The following GLIS3 variants were observed in gnomAD, a reference collection of about 807,000 sequenced individuals.
GLIS3 encodes the protein GLIS family zinc finger 3.
Under a neutral mutation model 78.6 loss-of-function variants are expected in GLIS3, and 53 were observed. That is an observed-to-expected ratio of 0.67 (90% confidence interval 0.54 to 0.85). The LOEUF is 0.85. Among genes scored for constraint, GLIS3 ranks in the 40% least tolerant of loss-of-function variants. GLIS3 has a pLI of 0.00. For missense variants in GLIS3, 1,703 were observed against 1,231.1 expected (o/e 1.38, Z -5.74); for synonymous variants, 684 against 509.9 (o/e 1.34, Z -4.60).
At chr9:4,293,973 C>T (rs777748006) in intron 1 of GLIS3, among the ~76,000 whole-genome samples, 7 of 152,178 alleles carry the variant, frequency 4.6e-5, no homozygotes, top group Non-Finnish European at 7.3e-5. Context: ...CCTTTTCTTC[C>T]CAAAGTGGAA....
chr9:3,959,924 G>C (rs1212721769), intron 4 of GLIS3, among the ~76,000 whole-genome samples: 1 of 152,218 alleles, frequency 6.6e-6, no homozygotes, highest in Non-Finnish European at 1.5e-5. Flanking sequence ...GGCCGAGGCA[G>C]GCGGACCACC....
At chr9:4,455,146 T>G in the GLIS3 span, among the ~76,000 whole-genome samples, 1 of 152,214 alleles carries the variant, frequency 6.6e-6, no homozygotes, top group Non-Finnish European at 1.5e-5. Context: ...ATGAAGAGCC[T>G]TAAGCCTGCC....
At chr9:4,200,662 A>G (rs576996845) in intron 2 of GLIS3, among the ~76,000 whole-genome samples, 1 of 152,066 alleles carries the variant, frequency 6.6e-6, no homozygotes, top group Non-Finnish European at 1.5e-5. Context: ...GAATCAGAAA[A>G]AAACAAACAA....
At chr9:4,033,143 A>T (rs618268) in intron 4 of GLIS3, among the ~76,000 whole-genome samples, 1 of 151,906 alleles carries the variant, frequency 6.6e-6, no homozygotes, top group African/African-American at 2.4e-5. Context: ...GTGAGCCACC[A>T]CACCTGGCTG....
At chr9:4,242,202 G>A (rs10758583) in intron 2 of GLIS3, among the ~76,000 whole-genome samples, 2 of 151,764 alleles carry the variant, frequency 1.3e-5, no homozygotes, top group Admixed American at 1.3e-4. Flanking sequence ...TCCCACCTTG[G>A]TCAGTTTTGG....
chr9:4,187,811 G>A (rs1002488514), intron 2 of GLIS3, among the ~76,000 whole-genome samples: 2 of 152,028 alleles, frequency 1.3e-5, no homozygotes, highest in African/African-American at 4.8e-5. Context: ...TGTTATTGGT[G>A]TATAAGAATG....
chr9:3,986,862 T>C (rs955386263), intron 4 of GLIS3, among the ~76,000 whole-genome samples: 1 of 152,164 alleles, frequency 6.6e-6, no homozygotes, highest in African/African-American at 2.4e-5. Flanking sequence ...AAAGTAAAAG[T>C]TTGGAATGCA....
chr9:4,255,283 T>G (rs953360544), intron 2 of GLIS3, among the ~76,000 whole-genome samples: 3 of 152,228 alleles, frequency 2.0e-5, no homozygotes, highest in African/African-American at 7.2e-5. Context: ...ATGGTACAGC[T>G]ACTTTGGAAG....
chr9:3,905,760 C>A (rs1823654560), intron 6 of GLIS3, among the ~76,000 whole-genome samples: 1 of 152,168 alleles, frequency 6.6e-6, no homozygotes, highest in African/African-American at 2.4e-5. Context: ...GTATCCCTTG[C>A]TAAGACAGGA....
At chr9:4,326,189 G>A (rs1243725968) in intron 2 of GLIS3, among the ~76,000 whole-genome samples, 1 of 152,134 alleles carries the variant, frequency 6.6e-6, no homozygotes, top group African/African-American at 2.4e-5. Context: ...CATCCTGCAC[G>A]TGTACCCGGG....
the GLIS3 span, among the ~76,000 whole-genome samples, chr9:4,454,538 CATT>C: frequency 1.8e-4 from 28 of 152,318 alleles, no homozygotes; most frequent in Admixed American, 3.3e-4. Flanking sequence ...TTTCCCAACA[CATT>C]ATGATAGTAT....
At chr9:4,163,555 C>G (rs183279087) in intron 2 of GLIS3, among the ~76,000 whole-genome samples, 84 of 152,162 alleles carry the variant, frequency 5.5e-4, no homozygotes, top group African/African-American at 1.9e-3. Flanking sequence ...GGCAGTAAGA[C>G]CACATTTCAC....
intron 2 of GLIS3, among the ~76,000 whole-genome samples, chr9:4,189,529 G>A (rs1818131062): frequency 6.6e-6 from 1 of 152,182 alleles, no homozygotes; most frequent in African/African-American, 2.4e-5. Flanking sequence ...GCAGAGCTGA[G>A]TTCAATTCCT....
Position 3,828,278 on chromosome 9 carries a change from T to A in GLIS3, c.2787A>T (p.Glu929Asp). The A allele has an allele frequency of 6.2e-7, 1 of 1,614,076 alleles. No homozygotes were observed. Residue 929 changes from glutamate to aspartate, a missense_variant, in exon 11 of 11, where the codon GAA becomes GAT. Coordinates refer to ENST00000381971, the MANE Select transcript of GLIS3 (RefSeq NM_001042413.2). The stretch of plus-strand genomic sequence containing the variant: ...GGAGTGGCCAAGAGAGCTTTTAGCC[T>A]TCGGTGTAGACAGAGGAGAGCTGGC... Reference protein sequence around the residue: ...CPSQLSSVYTEG With the variant: ...CPSQLSSVYTDG
intron 4 of GLIS3, among the ~76,000 whole-genome samples, chr9:4,045,312 G>C (rs1011544651): frequency 6.6e-6 from 1 of 152,020 alleles, no homozygotes; most frequent in Non-Finnish European, 1.5e-5. Flanking sequence ...GGAAGATGAA[G>C]TGTTCTGAAC....
At chr9:4,279,886 C>G (rs1237112516) in intron 2 of GLIS3, among the ~76,000 whole-genome samples, 2 of 149,424 alleles carry the variant, frequency 1.3e-5, no homozygotes, top group South Asian at 2.1e-4. Context: ...AATATATGAT[C>G]TTTGATTAGA....
the GLIS3 span, among the ~76,000 whole-genome samples, chr9:4,371,459 G>A: frequency 1.3e-5 from 2 of 152,164 alleles, no homozygotes; most frequent in Non-Finnish European, 2.9e-5. Context: ...GTGTTGCTCT[G>A]CAAACTCCTT....
chr9:4,370,264 G>C, the GLIS3 span, among the ~76,000 whole-genome samples: 10 of 151,212 alleles, frequency 6.6e-5, no homozygotes, highest in Admixed American at 1.3e-4. Context: ...TTCTGGATCA[G>C]TGGGGCCCTC....
intron 4 of GLIS3, among the ~76,000 whole-genome samples, chr9:4,013,590 T>C (rs1372050935): frequency 6.6e-6 from 1 of 152,188 alleles, no homozygotes. Context: ...TAAGTGTTCA[T>C]TTGGCTTCTC....
Sources: gnomAD v4.1 joint callset for allele counts (sites outside exome capture counted in the v4.1 genomes callset) on GRCh38, gnomAD v4.1.1 for gene constraint, MANE v1.5 for transcripts, NCBI Gene and HGNC (gene_info 2026-07-23, HGNC 2026-07-21) for gene names.